ZNF730: variants seen among roughly 807,000 people sequenced by gnomAD.
The protein encoded by ZNF730 is putative zinc finger protein 730.
Under a neutral mutation model 12.6 loss-of-function variants are expected in ZNF730, and 12 were observed. The observed-to-expected ratio is 0.95, with a 90% CI of 0.61 to 1.54. The LOEUF is 1.54. Among genes scored for constraint, ZNF730 ranks in the 40% most tolerant of loss-of-function variants. The pLI, the probability that ZNF730 is intolerant of heterozygous loss-of-function variation, is 0.00. For synonymous variants in ZNF730, 194 were observed against 195.8 expected, an observed-to-expected ratio of 0.99 and a Z score of 0.08; for missense variants, 643 against 583.5, an observed-to-expected ratio of 1.10 and a Z score of -1.05.
In ZNF730 at chr19:23,145,666, A is replaced by G; in HGVS notation, c.622A>G (p.Lys208Glu). Residue 208 changes from lysine (K) to glutamate (E), a missense_variant, in exon 4 of 4, where the codon AAA becomes GAA. Coordinates refer to ENST00000597761, the MANE Select transcript of ZNF730 (RefSeq NM_001277403.2). Reference sequence around the variant, plus strand: ...ATCCTACAAATGTGAAGAATATGGCAAAGCCTTTAATGAGTCCTCAAACTG... The same window carrying G: ...ATCCTACAAATGTGAAGAATATGGCGAAGCCTTTAATGAGTCCTCAAACTG... ...EKSYKCEEYG[K>E]AFNESSNCTT... 1 of 1,556,404 alleles carries G rather than the reference A, an allele frequency of 6.4e-7. No individual in the cohort carries two copies. The highest frequency in any genetic ancestry group is 1.2e-5 in the South Asian group (1 of 84,138).
At chr19:23,099,076 T>TA (rs1970297234) in intron 1 of ZNF730, among the ~76,000 whole-genome samples, 1 of 152,120 alleles carries the variant, frequency 6.6e-6, no homozygotes, top group Non-Finnish European at 1.5e-5. Flanking sequence ...TTTTTAGAAT[T>TA]ACCACTATCA....
At chr19:23,131,148 G>A (rs1347874506) in intron 1 of ZNF730, among the ~76,000 whole-genome samples, 1 of 152,088 alleles carries the variant, frequency 6.6e-6, no homozygotes, top group East Asian at 1.9e-4. Context: ...GCCACAAGAA[G>A]TAAATATAAA....
chr19:23,101,227 A>ATAAACACTTCTCACTG (rs143203450), intron 1 of ZNF730, among the ~76,000 whole-genome samples: 65 of 152,262 alleles, frequency 4.3e-4, no homozygotes, highest in African/African-American at 1.5e-3. Flanking sequence ...ATTCTCCCAT[A>ATAAACACTTCTCACTG]TTGAGGTTCT....
chr19:23,128,195 G>A, intron 1 of ZNF730: 1 of 788,170 alleles, frequency 1.3e-6, no homozygotes, highest in Non-Finnish European at 2.2e-6. Flanking sequence ...ATCCCTCACA[G>A]TACCAAACAG....
intron 3 of ZNF730, 45 bp from the exon 4 acceptor site, chr19:23,145,226 C>G: frequency 7.7e-7 from 1 of 1,304,804 alleles, no homozygotes; most frequent in Non-Finnish European, 1.0e-6. Context: ...ATAAACTATA[C>G]TCAGTCTAGT....
In ZNF730 at chr19:23,077,424, C is replaced by CTTTTTT. The variant is rs71163442; in HGVS notation, c.-94+2063_-94+2068dup. On this transcript the variant is annotated intron_variant, in intron 1 of 2. Coordinates refer to the ZNF730 transcript ENST00000593635. ...AGCTTTTCCCATAATTCCCTAAGAG[C>CTTTTTT]TTTTTTTTTTTTTTTTTTTTTTTTT... 6.6e-4 allele frequency among the ~76,000 whole-genome samples: 30 copies of CTTTTTT among 45,566 alleles called. 1 individual carries two copies. Among genetic ancestry groups the CTTTTTT allele is most frequent in the African/African-American group, 2.0e-3 (23 of 11,328 alleles). The allele number at this position is 45,566 out of a possible 152,430, so 29.9% of individuals were successfully genotyped here.
intron 1 of ZNF730, among the ~76,000 whole-genome samples, chr19:23,083,295 A>C (rs1568299390): frequency 6.6e-6 from 1 of 151,970 alleles, no homozygotes; most frequent in Non-Finnish European, 1.5e-5. Flanking sequence ...ATGGTGGCAC[A>C]TGCCTGTAGT....
chr19:23,129,983 G>GA (rs1970726623), intron 1 of ZNF730, among the ~76,000 whole-genome samples: 1 of 139,696 alleles, frequency 7.2e-6, no homozygotes, highest in South Asian at 2.3e-4. Flanking sequence ...GCTGGAGCGA[G>GA]ACTCCGCCTC....
intron 1 of ZNF730, chr19:23,100,197 C>G (rs1210408633): frequency 6.6e-6 from 1 of 152,094 alleles, no homozygotes; most frequent in Non-Finnish European, 1.5e-5. Context: ...GGTCCATGCC[C>G]TCAGGGAAGA....
chr19:23,107,074 T>TG (rs893440951), intron 1 of ZNF730, among the ~76,000 whole-genome samples: 5 of 24,760 alleles, frequency 2.0e-4, no homozygotes, highest in African/African-American at 2.6e-4. Flanking sequence ...CATGTTTTTG[T>TG]TTTTTTTTTT....
intron 1 of ZNF730, chr19:23,125,946 CAAT>C (rs1169374904): frequency 6.6e-6 from 1 of 152,322 alleles, no homozygotes; most frequent in Non-Finnish European, 1.5e-5. Context: ...GTTTATTTTA[CAAT>C]AATTGGTTTA....
Position 23,107,475 on chromosome 19 carries a change from A to AAAAAAAAAAAAAC in ZNF730, c.-93-26605_-93-26604insAAAAAAAAAAAAC, listed in dbSNP as rs752480467. 6.7e-5 allele frequency among the ~76,000 whole-genome samples: 8 copies of AAAAAAAAAAAAAC among 118,930 alleles called. 1 individual carries two copies. Among genetic ancestry groups the AAAAAAAAAAAAAC allele is most frequent in the Non-Finnish European group, 1.1e-4 (6 of 54,422 alleles). The allele number at this position is 118,930 out of a possible 152,430, so 78.0% of individuals were successfully genotyped here. ...AAAAAAAAAAAAAAAAAAAAAAAAA[A>AAAAAAAAAAAAAC]CCACCACAGCTCTGTTTTTTGTTAT... On this transcript the variant is annotated intron_variant, in intron 1 of 2. Coordinates refer to the ZNF730 transcript ENST00000593635.
chr19:23,085,877 G>A (rs536436753), intron 1 of ZNF730, among the ~76,000 whole-genome samples: 2 of 92,216 alleles, frequency 2.2e-5, no homozygotes, highest in South Asian at 3.3e-4. Context: ...ATGGAGTCTC[G>A]CTCTGTCACC....
chr19:23,094,336 G>C (rs1970210916), intron 1 of ZNF730, among the ~76,000 whole-genome samples: 1 of 149,702 alleles, frequency 6.7e-6, no homozygotes, highest in Non-Finnish European at 1.5e-5. Flanking sequence ...GGAATTACAG[G>C]TGTGAGCCAC....
At position 23,145,761 on chromosome 19, in the gene ZNF730, GTT is replaced by G; in HGVS notation, c.720_721del (p.Ser241ThrfsTer6). 6.4e-7 allele frequency: 1 copy of G among 1,569,162 alleles called. No individual in the cohort carries two copies. The highest frequency in any genetic ancestry group is 1.2e-5 in the South Asian group (1 of 86,136). On this transcript the variant is annotated frameshift_variant, in exon 4 of 4. Transcript: ENST00000597761. LOFTEE classifies it low-confidence loss of function (END_TRUNC). ...CKECGKAFNWFSHFTTHKRIH... is the reference protein window; with the variant it reads ...CKECGKAFNWXSHFTTHKRIH... The stretch of plus-strand genomic sequence containing the variant: ...AAGAATGTGGCAAAGCCTTTAACTG[GTT>G]TTCACATTTTACTACACATAAGAGA...
upstream of ZNF730, among the ~76,000 whole-genome samples, chr19:23,113,147 A>G (rs1970477008): frequency 6.6e-6 from 1 of 152,202 alleles, no homozygotes; most frequent in Admixed American, 6.5e-5. Context: ...GGAGAAATAC[A>G]TTGGGTATTA....
intron 3 of ZNF730, among the ~76,000 whole-genome samples, chr19:23,142,455 A>G (rs1970935695): frequency 6.6e-6 from 1 of 150,942 alleles, no homozygotes; most frequent in Non-Finnish European, 1.5e-5. Context: ...AGGCTGAGGC[A>G]GGCAGATCAC....
chr19:23,141,221 C>T (rs148161619), intron 3 of ZNF730, among the ~76,000 whole-genome samples: 192 of 151,834 alleles, frequency 1.3e-3, no homozygotes, highest in African/African-American at 4.1e-3. Context: ...GGTGAAACCC[C>T]GTCTATACTA....
At chr19:23,078,843 T>G (rs1969912912) in intron 1 of ZNF730, among the ~76,000 whole-genome samples, 1 of 152,122 alleles carries the variant, frequency 6.6e-6, no homozygotes, top group African/African-American at 2.4e-5. Flanking sequence ...TTTGCTCTTG[T>G]GCCCAGACTG....
Sources: gnomAD v4.1 joint callset for allele counts (sites outside exome capture counted in the v4.1 genomes callset) on GRCh38, gnomAD v4.1.1 for gene constraint, MANE v1.5 for transcripts, NCBI Gene and HGNC (gene_info 2026-07-23, HGNC 2026-07-21) for gene names.